The following GSE1 variants were observed in gnomAD, a reference collection of about 807,000 sequenced individuals.
GSE1 encodes Gse1 coiled-coil protein, also known as genetic suppressor element 1.
GSE1 carries 32 observed loss-of-function variants against 112.6 expected under a neutral mutation model. The observed-to-expected ratio is 0.28, with a 90% CI of 0.21 to 0.38. GSE1 has a LOEUF of 0.38. GSE1 is among the 10% of genes least tolerant of loss of function. GSE1 has a pLI of 1.00. For synonymous variants in GSE1, 1,115 were observed against 735.6 expected, an observed-to-expected ratio of 1.52 and a Z score of -8.35; for missense variants, 2,348 against 1,699.2, an observed-to-expected ratio of 1.38 and a Z score of -6.71.
intron 1 of GSE1, among the ~76,000 whole-genome samples, chr16:85,572,120 A>G (rs541296603): frequency 8.1e-5 from 12 of 148,938 alleles, no homozygotes; most frequent in East Asian, 2.0e-4. Context: ...CACACAACGC[A>G]CACACACACA....
Position 85,317,597 on chromosome 16 carries a change from C to T in GSE1, c.2284-39866C>T, listed in dbSNP as rs143323033. Among the ~76,000 whole-genome samples the T allele has an allele frequency of 1.9e-3, 288 of 152,150 alleles. 4 individuals are homozygous for T. Among genetic ancestry groups the T allele is most frequent in the African/African-American group, 6.7e-3 (279 of 41,496 alleles). ...ATGCGCCCTGCACAGCCCCCAAGGTCCCTGGCAAAATTGATCCCCAGTGCC... is the reference window on the plus strand; with the variant it reads ...ATGCGCCCTGCACAGCCCCCAAGGTTCCTGGCAAAATTGATCCCCAGTGCC... On this transcript the variant is annotated intron_variant, in intron 1 of 2. Coordinates refer to the GSE1 transcript ENST00000637419.
chr16:85,384,351 C>A (rs8182152), intron 2 of GSE1, among the ~76,000 whole-genome samples: 149,045 of 152,320 alleles, frequency 0.98, 73,014 homozygotes, highest in East Asian at 1. Flanking sequence ...GGCAGATGGG[C>A]CAAGGGCTCC....
chr16:85,500,909 C>A (rs1216791839), intron 2 of GSE1, among the ~76,000 whole-genome samples: 3 of 151,616 alleles, frequency 2.0e-5, no homozygotes, highest in African/African-American at 7.3e-5. Context: ...GGCTGTCTTC[C>A]GTGTGTGTGT....
intron 2 of GSE1, among the ~76,000 whole-genome samples, chr16:85,510,936 C>T (rs1420179342): frequency 6.6e-6 from 1 of 152,242 alleles, no homozygotes; most frequent in Non-Finnish European, 1.5e-5. Context: ...CTTGACCACT[C>T]TGTCAAAAAC....
chr16:85,268,240 A>G (rs117017028), intron 1 of GSE1, among the ~76,000 whole-genome samples: 113,032 of 151,738 alleles, frequency 0.74, 43,169 homozygotes, highest in African/African-American at 0.92. Context: ...GTGTGGCACA[A>G]GGGTTCTATA....
At chr16:85,170,567 A>C (rs1432234735) in exon 1 of GSE1, 2 of 985,566 alleles carry the variant, frequency 2.0e-6, no homozygotes, top group African/African-American at 3.5e-5. Flanking sequence ...AAAGAGAAGA[A>C]CAGTGGCCGT....
intron 1 of GSE1, among the ~76,000 whole-genome samples, chr16:85,595,885 C>T (rs1046240843): frequency 4.3e-5 from 6 of 140,298 alleles, no homozygotes; most frequent in Admixed American, 3.6e-4. Flanking sequence ...TCTGCCCACC[C>T]ACCCATTCCT....
At chr16:85,316,150 G>A (rs531208638) in intron 1 of GSE1, among the ~76,000 whole-genome samples, 2 of 152,336 alleles carry the variant, frequency 1.3e-5, no homozygotes, top group East Asian at 1.9e-4. Context: ...TGAGTAACTC[G>A]GTGCAGAAGT....
chr16:85,453,406 G>A lies in GSE1; in HGVS notation c.2464+95763G>A, dbSNP rs549859521. Among the ~76,000 whole-genome samples the A allele has an allele frequency of 1.0e-3, 155 of 152,328 alleles. 1 individual carries two copies. Among genetic ancestry groups the A allele is most frequent in the East Asian group, 3.1e-3 (16 of 5,172 alleles). On this transcript the variant is annotated intron_variant, in intron 2 of 2. Transcript: ENST00000637419. ...GTGCCAGGCAGTGACAGTGCATGCC[G>A]GGGTGGCTGGACGTAGGAAGCAAGG... is the stretch of plus-strand genomic sequence containing the variant.
intron 13 of GSE1, among the ~76,000 whole-genome samples, chr16:85,667,461 C>A (rs1048542812): frequency 1.2e-4 from 19 of 152,236 alleles, no homozygotes; most frequent in African/African-American, 4.3e-4. Context: ...AGGCTGATTC[C>A]TGGGGGAGGG....
intron 1 of GSE1, among the ~76,000 whole-genome samples, chr16:85,220,459 C>T (rs2075371756): frequency 6.6e-6 from 1 of 152,246 alleles, no homozygotes; most frequent in African/African-American, 2.4e-5. Flanking sequence ...AAGCAGATGG[C>T]TGCAACAGGG....
rs747822787 is a variant in GSE1 at position 85,282,031 on chromosome 16, CT to C, written c.2284-75418del. On this transcript the variant is annotated intron_variant, in intron 1 of 2. Transcript: ENST00000637419. ...CCTGTGAGTTGCTATGTTTTCTTTT[CT>C]TTTTTTTTTTTTTGAGACAGAGGCT... Among the ~76,000 whole-genome samples the C allele has an allele frequency of 9.1e-3, 1,293 of 142,570 alleles. 10 individuals are homozygous for C. The highest frequency in any genetic ancestry group is 0.014 in the Admixed American group (203 of 14,260). The allele number at this position is 142,570 out of a possible 152,430, so 93.5% of individuals were successfully genotyped here. A position where few individuals can be genotyped will look rare whatever the true frequency, so the allele number is the denominator to read the frequency against.
At chr16:85,609,762 C>T (rs1276476797), upstream of GSE1, among the ~76,000 whole-genome samples, 1 of 152,130 alleles carries the variant, frequency 6.6e-6, no homozygotes, top group African/African-American at 2.4e-5. Flanking sequence ...TCAAGGGATC[C>T]TCCTACCTCA....
chr16:85,315,571 CAA>C (rs2045968222), intron 1 of GSE1, among the ~76,000 whole-genome samples: 1 of 152,050 alleles, frequency 6.6e-6, no homozygotes, highest in Non-Finnish European at 1.5e-5. Flanking sequence ...GTGATGGGGA[CAA>C]GAGTAACCAA....
chr16:85,528,920 G>A (rs1024957831), intron 2 of GSE1, among the ~76,000 whole-genome samples: 1 of 152,178 alleles, frequency 6.6e-6, no homozygotes, highest in East Asian at 1.9e-4. Flanking sequence ...GGAGATCAGC[G>A]AGTGGGAGGA....
intron 1 of GSE1, among the ~76,000 whole-genome samples, chr16:85,604,141 A>G (rs2047582253): frequency 6.6e-6 from 1 of 152,136 alleles, no homozygotes; most frequent in Admixed American, 6.5e-5. Flanking sequence ...GACCACCCCA[A>G]AAGGAAACTC....
At chr16:85,444,194 C>T (rs1471321443) in intron 2 of GSE1, among the ~76,000 whole-genome samples, 1 of 152,134 alleles carries the variant, frequency 6.6e-6, no homozygotes, top group Non-Finnish European at 1.5e-5. Context: ...CCATGTCGGC[C>T]AGGATGGTCT....
At position 85,456,586 on chromosome 16, in the gene GSE1, G is replaced by A. The variant is rs916308684; in HGVS notation, c.2464+98943G>A. On this transcript the variant is annotated intron_variant, in intron 2 of 2. Coordinates refer to the GSE1 transcript ENST00000637419. ...GGAGGGTCATTTTCCTGCCGTGTGT[G>A]TGTGTGTGTGTGTGTGTGTGTGTGT... Among the ~76,000 whole-genome samples the A allele has an allele frequency of 4.7e-3, 313 of 67,266 alleles. 2 individuals carry two copies. Among genetic ancestry groups the A allele is most frequent in the African/African-American group, 0.023 (285 of 12,610 alleles). The allele number at this position is 67,266 out of a possible 152,430, so 44.1% of individuals were successfully genotyped here. A position where few individuals can be genotyped will look rare whatever the true frequency, so the allele number is the denominator to read the frequency against.
chr16:85,321,377 G>A (rs913655406), intron 1 of GSE1, among the ~76,000 whole-genome samples: 9 of 152,150 alleles, frequency 5.9e-5, no homozygotes, highest in Non-Finnish European at 2.9e-5. Context: ...TGCCTGAGCT[G>A]GTCTGCTTTT....
Sources: gnomAD v4.1 joint callset for allele counts (sites outside exome capture counted in the v4.1 genomes callset) on GRCh38, gnomAD v4.1.1 for gene constraint, MANE v1.5 for transcripts, NCBI Gene and HGNC (gene_info 2026-07-23, HGNC 2026-07-21) for gene names.